KCNIP4: variants seen among roughly 807,000 people sequenced by gnomAD.
KCNIP4 encodes the protein potassium voltage-gated channel interacting protein 4.
KCNIP4 carries 12 observed loss-of-function variants against 34.0 expected under a neutral mutation model. The observed-to-expected ratio is 0.35, with a 90% CI of 0.23 to 0.57. The LOEUF is 0.57. Among genes scored for constraint, KCNIP4 ranks in the 20% least tolerant of loss-of-function variants. The pLI is 0.83. For missense variants in KCNIP4, 238 were observed against 311.7 expected (o/e 0.76, Z 1.78); for synonymous variants, 124 against 102.2 (o/e 1.21, Z -1.29).
At chr4:21,352,378 G>A (rs532050314) in intron 1 of KCNIP4, among the ~76,000 whole-genome samples, 113 of 152,280 alleles carry the variant, frequency 7.4e-4, no homozygotes, top group African/African-American at 2.6e-3. Context: ...CTAGCCAAAG[G>A]AAGCCATGAT....
At chr4:20,958,625 A>G (rs1733545170) in intron 1 of KCNIP4, among the ~76,000 whole-genome samples, 1 of 152,236 alleles carries the variant, frequency 6.6e-6, no homozygotes, top group South Asian at 2.1e-4. Flanking sequence ...CTTTTAGGCC[A>G]ATCATTTTCC....
intron 1 of KCNIP4, among the ~76,000 whole-genome samples, chr4:21,829,981 G>A (rs1722883629): frequency 6.6e-6 from 1 of 152,056 alleles, no homozygotes; most frequent in African/African-American, 2.4e-5. Flanking sequence ...AATGACAATA[G>A]TAAGTTTTTA....
chr4:21,671,780 C>T (rs918565389), intron 1 of KCNIP4, among the ~76,000 whole-genome samples: 10 of 152,126 alleles, frequency 6.6e-5, no homozygotes, highest in Admixed American at 1.3e-4. Context: ...TAAATCCTAA[C>T]GGCTTGCAAG....
At chr4:21,169,264 T>A (rs1039392482) in intron 1 of KCNIP4, among the ~76,000 whole-genome samples, 2 of 151,976 alleles carry the variant, frequency 1.3e-5, no homozygotes, top group African/African-American at 2.4e-5. Flanking sequence ...GTGATCCTCC[T>A]GCCTCAGCCT....
At chr4:20,969,556 T>TGTGTGTGTG (rs768106162) in intron 1 of KCNIP4, among the ~76,000 whole-genome samples, 17 of 149,700 alleles carry the variant, frequency 1.1e-4, no homozygotes, top group African/African-American at 3.9e-4. Context: ...GCGTGTGTGT[T>TGTGTGTGTG]TGTGTGTGTG....
intron 1 of KCNIP4, among the ~76,000 whole-genome samples, chr4:21,884,392 T>C (rs916036563): frequency 2.6e-5 from 4 of 151,956 alleles, no homozygotes; most frequent in Admixed American, 2.6e-4. Flanking sequence ...AATGGAGCCG[T>C]TGTCGTTAGA....
At chr4:21,942,591 C>T (rs534423221) in intron 1 of KCNIP4, among the ~76,000 whole-genome samples, 13 of 152,374 alleles carry the variant, frequency 8.5e-5, no homozygotes, top group Admixed American at 8.5e-4. Context: ...TGCTCATAAA[C>T]TCAGTCCACT....
At chr4:21,661,481 G>A (rs944879999) in intron 1 of KCNIP4, among the ~76,000 whole-genome samples, 1 of 152,134 alleles carries the variant, frequency 6.6e-6, no homozygotes, top group African/African-American at 2.4e-5. Context: ...GCTCACTTGT[G>A]TGCTCCCACT....
chr4:21,690,512 C>T (rs1367184269), intron 1 of KCNIP4, among the ~76,000 whole-genome samples: 1 of 152,114 alleles, frequency 6.6e-6, no homozygotes, highest in Non-Finnish European at 1.5e-5. Context: ...GACCTCCTCT[C>T]CTCTTGCTTC....
At chr4:21,879,890 G>C (rs1042984576) in intron 1 of KCNIP4, among the ~76,000 whole-genome samples, 2 of 152,010 alleles carry the variant, frequency 1.3e-5, no homozygotes, top group Non-Finnish European at 2.9e-5. Flanking sequence ...GTTTTCATGA[G>C]ATCTGATGGT....
At chr4:21,619,160 CT>C (rs1744835816) in intron 1 of KCNIP4, among the ~76,000 whole-genome samples, 1 of 151,950 alleles carries the variant, frequency 6.6e-6, no homozygotes, top group Non-Finnish European at 1.5e-5. Context: ...TCCGACTTCC[CT>C]CCTTAAGTCC....
At chr4:21,553,767 C>T (rs988503262) in intron 1 of KCNIP4, among the ~76,000 whole-genome samples, 1 of 151,904 alleles carries the variant, frequency 6.6e-6, no homozygotes, top group African/African-American at 2.4e-5. Flanking sequence ...TTATTATTAC[C>T]CCCATTGTTA....
chr4:21,447,706 A>T (rs767772146), intron 1 of KCNIP4, among the ~76,000 whole-genome samples: 22 of 152,190 alleles, frequency 1.4e-4, no homozygotes, highest in Non-Finnish European at 7.3e-5. Flanking sequence ...TCAAATTTAC[A>T]TGAATATGAT....
chr4:21,412,709 T>C (rs1724614091), intron 1 of KCNIP4, among the ~76,000 whole-genome samples: 1 of 152,232 alleles, frequency 6.6e-6, no homozygotes, highest in Admixed American at 6.5e-5. Context: ...TACTGGGTTT[T>C]ATTTCCAGAA....
At chr4:20,901,602 T>C (rs1727158632) in intron 1 of KCNIP4, among the ~76,000 whole-genome samples, 1 of 152,208 alleles carries the variant, frequency 6.6e-6, no homozygotes, top group South Asian at 2.1e-4. Context: ...ATGAATCTTC[T>C]CAAAACATAA....
At chr4:21,886,557 CA>C (rs1726775908) in intron 1 of KCNIP4, among the ~76,000 whole-genome samples, 1 of 152,082 alleles carries the variant, frequency 6.6e-6, no homozygotes, top group African/African-American at 2.4e-5. Flanking sequence ...ACAGTTCCCA[CA>C]GGGGGTGAGA....
At chr4:21,712,884 C>G (rs1031486811) in intron 1 of KCNIP4, among the ~76,000 whole-genome samples, 1 of 152,162 alleles carries the variant, frequency 6.6e-6, no homozygotes, top group Non-Finnish European at 1.5e-5. Context: ...ATTGCATGGG[C>G]AATCATTCTA....
chr4:21,445,313 C>T (rs1438835079), intron 1 of KCNIP4, among the ~76,000 whole-genome samples: 3 of 152,184 alleles, frequency 2.0e-5, no homozygotes, highest in South Asian at 2.1e-4. Flanking sequence ...CCTGCATTGC[C>T]AAGTTAATCG....
chr4:21,667,807 A>C (rs1749113396), intron 1 of KCNIP4, among the ~76,000 whole-genome samples: 3 of 152,212 alleles, frequency 2.0e-5, no homozygotes, highest in Admixed American at 2.0e-4. Flanking sequence ...ACTGAATCAC[A>C]TTGGACATTG....
Sources: gnomAD v4.1 joint callset for allele counts (sites outside exome capture counted in the v4.1 genomes callset) on GRCh38, gnomAD v4.1.1 for gene constraint, MANE v1.5 for transcripts, NCBI Gene and HGNC (gene_info 2026-07-23, HGNC 2026-07-21) for gene names.